Variants in IQSEC1 observed in about 807,000 individuals in gnomAD.
IQSEC1 encodes IQ motif and Sec7 domain ArfGEF 1, also known as IQ motif and SEC7 domain-containing protein 1.
IQSEC1 carries 31 observed loss-of-function variants against 91.0 expected under a neutral mutation model. The ratio of observed to expected loss-of-function variants is 0.34; its 90% CI spans 0.26 to 0.46. The LOEUF is 0.46. Among genes scored for constraint, IQSEC1 ranks in the 20% least tolerant of loss-of-function variants. The pLI, the probability that IQSEC1 is intolerant of heterozygous loss-of-function variation, is 1.00. For synonymous variants in IQSEC1, 699 were observed against 662.6 expected (o/e 1.05, Z -0.84); for missense variants, 1,388 against 1,575.6 (o/e 0.88, Z 2.02).
chr3:12,950,961 A>G (rs1173096467), intron 1 of IQSEC1, among the ~76,000 whole-genome samples: 1 of 152,088 alleles, frequency 6.6e-6, no homozygotes, highest in Non-Finnish European at 1.5e-5. Flanking sequence ...AATTTTTTAA[A>G]TAGCTGGGAG....
chr3:13,250,724 C>T (rs1695180901), intron 1 of IQSEC1, among the ~76,000 whole-genome samples: 1 of 151,978 alleles, frequency 6.6e-6, no homozygotes, highest in Non-Finnish European at 1.5e-5. Flanking sequence ...GCCTCGGCCT[C>T]CCAAAGTGCT....
intron 2 of IQSEC1, among the ~76,000 whole-genome samples, chr3:13,095,789 G>A (rs1019438099): frequency 5.3e-5 from 8 of 152,214 alleles, no homozygotes; most frequent in African/African-American, 1.7e-4. Context: ...GGCAGGGAGC[G>A]GGCGGGGCAG....
chr3:12,903,075 G>A (rs1001012132), intron 12 of IQSEC1, among the ~76,000 whole-genome samples: 1 of 152,156 alleles, frequency 6.6e-6, no homozygotes, highest in African/African-American at 2.4e-5. Context: ...TTTTAAACCA[G>A]CCCCAATTTT....
chr3:13,085,679 C>T lies in IQSEC1; in HGVS notation c.303-38157G>A, dbSNP rs566148501. 1.8e-4 allele frequency among the ~76,000 whole-genome samples: 27 copies of T among 152,302 alleles called. 1 individual carries two copies. The South Asian group carries it at 5.4e-3, about 30-fold the overall frequency. ...AGTGGTTGTGACAGAATAGCCGTTA[C>T]CAAAGTGAACCCCTTGAAGCCTTCA... On this transcript the variant is annotated intron_variant, in intron 2 of 15. Coordinates refer to the IQSEC1 transcript ENST00000648114.
At chr3:13,220,367 A>G (rs12632027) in intron 1 of IQSEC1, among the ~76,000 whole-genome samples, 29,805 of 152,036 alleles carry the variant, frequency 0.2, 4,082 homozygotes, top group African/African-American at 0.38. Context: ...GAATGGGGGC[A>G]AAGAAGGGGG....
At position 12,967,135 on chromosome 3, in the gene IQSEC1, C is replaced by G. The variant is rs1490023022; in HGVS notation, c.24-25270G>C. Among the ~76,000 whole-genome samples the G allele has an allele frequency of 6.6e-6, 1 of 152,162 alleles. No individual in the cohort carries two copies. Among genetic ancestry groups the G allele is most frequent in the Non-Finnish European group, 1.5e-5 (1 of 68,022 alleles). On this transcript the variant is annotated intron_variant, in intron 1 of 13. Coordinates refer to ENST00000613206, the MANE Select transcript of IQSEC1 (RefSeq NM_001134382.3). The surrounding 1 kb of genome is among the most constrained non-coding windows in gnomAD (Gnocchi z 5.9). The stretch of plus-strand genomic sequence containing the variant: ...ACACACTCCCATCCTGAGACCCTCC[C>G]AGGGCACACACAGCGCTCCTGTCCC...
At chr3:13,182,469 A>C (rs1340665465) in intron 1 of IQSEC1, among the ~76,000 whole-genome samples, 1 of 152,252 alleles carries the variant, frequency 6.6e-6, no homozygotes, top group African/African-American at 2.4e-5. Flanking sequence ...ACATCGATAG[A>C]TGATGGCTAT....
chr3:13,226,466 T>G (rs1017179777), intron 1 of IQSEC1, among the ~76,000 whole-genome samples: 9 of 152,164 alleles, frequency 5.9e-5, no homozygotes, highest in Non-Finnish European at 1.0e-4. Flanking sequence ...AAAATAAAAA[T>G]TCTTGACCCC....
intron 1 of IQSEC1, chr3:12,960,458 T>C (rs1004875280): frequency 2.0e-5 from 3 of 152,196 alleles, no homozygotes; most frequent in African/African-American, 7.2e-5. Context: ...AGGTTTTGTC[T>C]CTCCGGCTCC....
At chr3:13,197,363 G>C (rs1438856552) in intron 1 of IQSEC1, among the ~76,000 whole-genome samples, 1 of 152,190 alleles carries the variant, frequency 6.6e-6, no homozygotes, top group Non-Finnish European at 1.5e-5. Context: ...GGTGCTCCCT[G>C]CCCCACTGGG....
chr3:13,101,501 G>A lies in IQSEC1; in HGVS notation c.303-53979C>T, dbSNP rs111727194. On this transcript the variant is annotated intron_variant, in intron 2 of 15. Transcript: ENST00000648114. ...AAACAAGGAGGTCTGGGAAGGCCCC[G>A]GGAAGATGAGCGATGGTGGTGCCTG... Among the ~76,000 whole-genome samples the A allele has an allele frequency of 6.0e-3, 917 of 151,964 alleles. 11 individuals carry two copies. Among genetic ancestry groups the A allele is most frequent in the African/African-American group, 0.021 (868 of 41,382 alleles).
intron 1 of IQSEC1, among the ~76,000 whole-genome samples, chr3:13,199,501 C>G (rs1158119258): frequency 6.6e-6 from 1 of 152,202 alleles, no homozygotes; most frequent in African/African-American, 2.4e-5. Context: ...ATCCTCCCCA[C>G]AGCCCAGCTC....
chr3:12,903,086 G>T lies in IQSEC1; in HGVS notation c.2756-264C>A, dbSNP rs191410738. Among the ~76,000 whole-genome samples the T allele has an allele frequency of 4.9e-3, 749 of 152,304 alleles. 3 individuals carry two copies. The highest frequency in any genetic ancestry group is 8.1e-3 in the Non-Finnish European group (554 of 68,004). ...TCTTTTTTAAACCAGCCCCAATTTTGTACTCCTCCTGGACCAGGAGTCTGT... is the reference window on the plus strand; with the variant it reads ...TCTTTTTTAAACCAGCCCCAATTTTTTACTCCTCCTGGACCAGGAGTCTGT... On this transcript the variant is annotated intron_variant, in intron 12 of 13. Coordinates refer to ENST00000613206, the MANE Select transcript of IQSEC1 (RefSeq NM_001134382.3).
intron 1 of IQSEC1, chr3:13,053,132 C>T (rs1359430837): frequency 2.9e-5 from 23 of 804,374 alleles, no homozygotes; most frequent in South Asian, 2.5e-4. Flanking sequence ...TGGCGAGAAG[C>T]GGACTCAAGC....
intron 1 of IQSEC1, among the ~76,000 whole-genome samples, chr3:13,050,966 T>C (rs1704671213): frequency 6.6e-6 from 1 of 152,258 alleles, no homozygotes; most frequent in African/African-American, 2.4e-5. Context: ...TATATGAATA[T>C]ATGAGTCTCA....
intron 1 of IQSEC1, among the ~76,000 whole-genome samples, chr3:12,949,152 T>C (rs1357645575): frequency 1.3e-5 from 2 of 152,190 alleles, no homozygotes; most frequent in African/African-American, 4.8e-5. Context: ...AAGACAGAGT[T>C]GTGTGGGACC....
chr3:13,239,836 T>A (rs572577604), intron 1 of IQSEC1, among the ~76,000 whole-genome samples: 13 of 152,174 alleles, frequency 8.5e-5, no homozygotes, highest in Admixed American at 8.5e-4. Context: ...AGCCAGATGC[T>A]TGGAGACCAG....
Position 12,970,902 on chromosome 3 carries a change from T to G in IQSEC1, c.24-29037A>C, listed in dbSNP as rs1035798007. Among the ~76,000 whole-genome samples, 2 of 152,224 alleles carry G rather than the reference T, an allele frequency of 1.3e-5. No homozygotes were observed. The highest frequency in any genetic ancestry group is 2.9e-5 in the Non-Finnish European group (2 of 68,042). ...ATGTCCTTCCCTGCAGCAGCCCCTG[T>G]GCCGACAGTGGAGCCTGGTGCACAG... On this transcript the variant is annotated intron_variant, in intron 1 of 13. Transcript: ENST00000613206. This position sits in a 1 kb window ranked among gnomAD's most constrained non-coding sequence, Gnocchi z 4.4.
chr3:12,964,525 T>C (rs1001354481), intron 1 of IQSEC1, among the ~76,000 whole-genome samples: 15 of 152,266 alleles, frequency 9.9e-5, no homozygotes, highest in African/African-American at 3.6e-4. Context: ...TGGACAAACA[T>C]GGCATTTGAC....
Sources: gnomAD v4.1 joint callset for allele counts (sites outside exome capture counted in the v4.1 genomes callset) on GRCh38, gnomAD v4.1.1 for gene constraint, Gnocchi (gnomAD v3.1) non-coding constraint, MANE v1.5 for transcripts, NCBI Gene and HGNC (gene_info 2026-07-23, HGNC 2026-07-21) for gene names.